The following GRHL2 variants were observed in gnomAD, a reference collection of about 807,000 sequenced individuals.
GRHL2 encodes the protein grainyhead like transcription factor 2, also known as grainyhead-like protein 2 homolog.
Under a neutral mutation model 83.8 loss-of-function variants are expected in GRHL2, and 21 were observed. The ratio of observed to expected loss-of-function variants is 0.25; its 90% CI spans 0.18 to 0.36. The LOEUF (loss-of-function observed/expected upper bound fraction) is 0.36. Among genes scored for constraint, GRHL2 ranks in the 10% least tolerant of loss-of-function variants. GRHL2 has a pLI of 1.00. For synonymous variants in GRHL2, 280 were observed against 278.9 expected (o/e 1.00, Z -0.04); for missense variants, 623 against 781.8 (o/e 0.80, Z 2.42).
At chr8:101,577,051 A>T (rs1176705194) in intron 6 of GRHL2, among the ~76,000 whole-genome samples, 2 of 152,236 alleles carry the variant, frequency 1.3e-5, no homozygotes, top group African/African-American at 4.8e-5. Context: ...AAATTTCAAA[A>T]GAATGCTTGT....
At chr8:101,510,630 T>C (rs1420656402) in intron 1 of GRHL2, among the ~76,000 whole-genome samples, 1 of 152,194 alleles carries the variant, frequency 6.6e-6, no homozygotes, top group Non-Finnish European at 1.5e-5. Flanking sequence ...AAAAAATATA[T>C]GTTATTACAC....
chr8:101,620,084 T>C (rs1188016759), intron 9 of GRHL2, among the ~76,000 whole-genome samples: 1 of 152,200 alleles, frequency 6.6e-6, no homozygotes, highest in African/African-American at 2.4e-5. Context: ...GCTCGCTTTC[T>C]GGCTTGCAGA....
chr8:101,654,674 A>T (rs944824116), intron 14 of GRHL2, among the ~76,000 whole-genome samples: 7 of 152,202 alleles, frequency 4.6e-5, no homozygotes, highest in African/African-American at 1.7e-4. Context: ...CTTCCGAGCA[A>T]CTTAGGATTG....
At chr8:101,671,367 C>T (rs866612915), downstream of GRHL2, among the ~76,000 whole-genome samples, 60 of 152,308 alleles carry the variant, frequency 3.9e-4, 1 homozygote, top group South Asian at 4.4e-3. Flanking sequence ...GATTATATCC[C>T]GCACGTGGCT....
intron 1 of GRHL2, among the ~76,000 whole-genome samples, chr8:101,503,131 T>C (rs1810265957): frequency 6.6e-6 from 1 of 152,230 alleles, no homozygotes; most frequent in Non-Finnish European, 1.5e-5. Context: ...CGACTTTTTC[T>C]GAAGTCAATT....
At chr8:101,596,215 C>A (rs1412527298) in intron 7 of GRHL2, among the ~76,000 whole-genome samples, 1 of 151,998 alleles carries the variant, frequency 6.6e-6, no homozygotes, top group Admixed American at 6.6e-5. Context: ...GATGGTTCAA[C>A]CTCTTTCACA....
chr8:101,532,592 A>T (rs1810951812), intron 1 of GRHL2, among the ~76,000 whole-genome samples: 1 of 152,116 alleles, frequency 6.6e-6, no homozygotes, highest in Admixed American at 6.5e-5. Flanking sequence ...TCTACTAAAA[A>T]TACAAAAATT....
chr8:101,608,727 T>TCA (rs1812681685), intron 8 of GRHL2, among the ~76,000 whole-genome samples: 1 of 63,300 alleles, frequency 1.6e-5, no homozygotes, highest in Non-Finnish European at 2.8e-5. Context: ...TTGTCTCTGC[T>TCA]CACTCTCTCA....
At chr8:101,648,450 T>C (rs1813556937) in intron 13 of GRHL2, among the ~76,000 whole-genome samples, 1 of 152,212 alleles carries the variant, frequency 6.6e-6, no homozygotes, top group Admixed American at 6.5e-5. Flanking sequence ...CTTCCCCCAC[T>C]GATCGAGGAC....
the GRHL2 span, among the ~76,000 whole-genome samples, chr8:101,679,841 G>T: frequency 7.1e-6 from 1 of 140,050 alleles, no homozygotes; most frequent in African/African-American, 2.8e-5. Flanking sequence ...CATAAGTGAA[G>T]GAGAAATAAA....
At chr8:101,551,847 T>C (rs1375111996) in intron 2 of GRHL2, among the ~76,000 whole-genome samples, 3 of 150,962 alleles carry the variant, frequency 2.0e-5, no homozygotes, top group African/African-American at 7.3e-5. Context: ...GGGAGTTTTT[T>C]TTTTTTGAGA....
chr8:101,608,735 TCACACACACACACACACACACA>T (rs72332231), intron 8 of GRHL2, among the ~76,000 whole-genome samples: 1 of 144,652 alleles, frequency 6.9e-6, no homozygotes, highest in African/African-American at 2.7e-5. Flanking sequence ...GCTCACTCTC[TCACACACACACACACACACACA>T]CACACACACA....
intron 1 of GRHL2, among the ~76,000 whole-genome samples, chr8:101,540,260 T>A (rs1811125058): frequency 6.6e-6 from 1 of 152,218 alleles, no homozygotes; most frequent in Admixed American, 6.5e-5. Context: ...GTAAGGTAAG[T>A]AGGCACTGAA....
At chr8:101,661,744 G>A (rs1363465152) in intron 14 of GRHL2, among the ~76,000 whole-genome samples, 4 of 152,166 alleles carry the variant, frequency 2.6e-5, no homozygotes. Context: ...CTTTCACCCT[G>A]ATAAGTGAGA....
At position 101,612,660 on chromosome 8, in the gene GRHL2, A is replaced by G. The variant is rs565193358; in HGVS notation, c.1099-6879A>G. 2.2e-4 allele frequency among the ~76,000 whole-genome samples: 34 copies of G among 151,196 alleles called. No homozygotes were observed. The South Asian group carries it at 4.8e-3, about 21-fold the overall frequency. ...AGAGCAGTTAACTCCACTATATTAA[A>G]TTGACTTCAGCTACTCATATTAATC... On this transcript the variant is annotated intron_variant, in intron 8 of 15. Coordinates refer to ENST00000646743, the MANE Select transcript of GRHL2 (RefSeq NM_024915.4).
rs149978408 is a variant in GRHL2 at position 101,599,429 on chromosome 8, C to T, written c.1098+278C>T. ...AAGATGGGGCCTGAAAACCTTTTCC[C>T]TCTGCAGTGCAGATTCCCCCAAAGG... On this transcript the variant is annotated intron_variant, in intron 8 of 15. Transcript: ENST00000646743. Among the ~76,000 whole-genome samples the T allele has an allele frequency of 1.7e-3, 252 of 152,306 alleles. 3 individuals are homozygous for T. The highest frequency in any genetic ancestry group is 5.5e-3 in the African/African-American group (229 of 41,570).
the GRHL2 span, among the ~76,000 whole-genome samples, chr8:101,675,068 AAG>A: frequency 6.6e-6 from 1 of 152,172 alleles, no homozygotes; most frequent in East Asian, 1.9e-4. Flanking sequence ...TCAAAATAAT[AAG>A]AGTTATCTAT....
At chr8:101,566,389 AACTTTGCAGC>A (rs34585961) in intron 4 of GRHL2, among the ~76,000 whole-genome samples, 90,783 of 151,166 alleles carry the variant, frequency 0.6, 28,449 homozygotes, top group Non-Finnish European at 0.7. Context: ...GCTGTTATTT[AACTTTGCAGC>A]ACCATTTGAC....
intron 1 of GRHL2, among the ~76,000 whole-genome samples, chr8:101,538,808 A>G (rs1346989526): frequency 2.0e-5 from 3 of 152,224 alleles, no homozygotes; most frequent in Admixed American, 2.0e-4. Context: ...GCTGTGTACC[A>G]GAGAGATTAT....
Sources: allele counts gnomAD v4.1 joint callset (sites outside exome capture counted in the v4.1 genomes callset), GRCh38; gene constraint gnomAD v4.1.1; transcripts MANE v1.5; gene names NCBI Gene and HGNC (gene_info 2026-07-23, HGNC 2026-07-21).